SPC25: variants seen among roughly 807,000 people sequenced by gnomAD.
SPC25 encodes kinetochore protein Spc25.
In SPC25, 22 loss-of-function variants were observed where a neutral mutation model predicts 29.6. The ratio of observed to expected loss-of-function variants is 0.74; its 90% confidence interval spans 0.53 to 1.06. The LOEUF (loss-of-function observed/expected upper bound fraction) is 1.06. Ranked by LOEUF, SPC25 falls within the 50% of genes least tolerant of loss-of-function variation. SPC25 has a pLI of 0.00. For missense variants in SPC25, 230 were observed against 255.8 expected (o/e 0.90, Z 0.69); for synonymous variants, 91 against 90.4 (o/e 1.01, Z -0.04).
intron 3 of SPC25, among the ~76,000 whole-genome samples, chr2:168,888,675 T>C (rs1204706309): frequency 6.6e-6 from 1 of 152,036 alleles, no homozygotes; most frequent in Non-Finnish European, 1.5e-5. Context: ...TCTTAAACTG[T>C]ATAGTATGTC....
intron 3 of SPC25, among the ~76,000 whole-genome samples, chr2:168,878,890 G>A (rs189962206): frequency 4.6e-5 from 7 of 152,226 alleles, no homozygotes; most frequent in Non-Finnish European, 7.4e-5. Context: ...GTGATAAAGC[G>A]AATATTGCCA....
intron 5 of SPC25, among the ~76,000 whole-genome samples, chr2:168,874,931 A>G (rs1359363336): frequency 6.6e-6 from 1 of 152,180 alleles, no homozygotes; most frequent in Non-Finnish European, 1.5e-5. Flanking sequence ...TTAGCTATGA[A>G]TATGACTATA....
At chr2:168,864,965 G>C in intron 4 of SPC25, 2 of 1,613,886 alleles carry the variant, frequency 1.2e-6, no homozygotes, top group Non-Finnish European at 1.7e-6. Flanking sequence ...AGCTACAAAG[G>C]CATAAAACAA....
At chr2:168,885,443 T>C (rs956521256) in intron 3 of SPC25, among the ~76,000 whole-genome samples, 1 of 152,222 alleles carries the variant, frequency 6.6e-6, no homozygotes, top group Non-Finnish European at 1.5e-5. Context: ...GATTACTAGA[T>C]TGCTTCTTCT....
intron 4 of SPC25, chr2:168,865,236 C>A (rs1455177583): frequency 2.8e-6 from 1 of 352,512 alleles, no homozygotes; most frequent in Non-Finnish European, 5.2e-6. Context: ...TCCAGTATAA[C>A]CCCTGGTGTC....
intron 1 of SPC25, among the ~76,000 whole-genome samples, chr2:168,889,956 CAGTAAA>C (rs1274892408): frequency 2.0e-5 from 3 of 152,100 alleles, no homozygotes; most frequent in Admixed American, 1.3e-4. Context: ...CACCTCAGAA[CAGTAAA>C]AGTTAACAGT....
chr2:168,863,528 G>T (rs1432438641), intron 4 of SPC25: 2 of 985,156 alleles, frequency 2.0e-6, no homozygotes, highest in Non-Finnish European at 2.4e-6. Flanking sequence ...CATGTTTCTT[G>T]TCCAATTCTC....
At chr2:168,882,890 CAAT>C (rs1242545624) in intron 3 of SPC25, among the ~76,000 whole-genome samples, 3 of 152,034 alleles carry the variant, frequency 2.0e-5, no homozygotes, top group Admixed American at 1.3e-4. Context: ...TTTATTACAA[CAAT>C]GTTTACAGAA....
At position 168,878,704 on chromosome 2, in the gene SPC25, G is replaced by A. The variant is rs1031154389; in HGVS notation, c.200-1320C>T. Among the ~76,000 whole-genome samples the A allele has an allele frequency of 2.0e-5, 3 of 152,144 alleles. No homozygotes were observed. The East Asian group carries it at 5.8e-4, about 29-fold the overall frequency. ...CACCCCAAAAAAATCAATAGTTTTT[G>A]TACATAACACCAGTGATTAATACAT... On this transcript the variant is annotated intron_variant, in intron 3 of 6. Coordinates refer to ENST00000282074, the MANE Select transcript of SPC25 (RefSeq NM_020675.4).
chr2:168,865,388 A>G, intron 4 of SPC25: 1 of 158,804 alleles, frequency 6.3e-6, no homozygotes, highest in South Asian at 1.9e-4. Flanking sequence ...TGAGGGGGTC[A>G]AGCAGAGCCT....
chr2:168,868,953 C>G (rs1342433700), downstream of SPC25, among the ~76,000 whole-genome samples: 1 of 152,074 alleles, frequency 6.6e-6, no homozygotes, highest in African/African-American at 2.4e-5. Flanking sequence ...TGCAAAAATC[C>G]TCAATAAAAT....
chr2:168,865,760 A>ACTT (rs1381212215), intron 4 of SPC25, among the ~76,000 whole-genome samples: 1 of 140,274 alleles, frequency 7.1e-6, no homozygotes, highest in Non-Finnish European at 1.6e-5. Context: ...CTGATAAGCA[A>ACTT]CTTCAGCAAA....
At chr2:168,877,462 A>C in intron 3 of SPC25, 78 bp from the exon 4 acceptor site, 1 of 1,483,550 alleles carries the variant, frequency 6.7e-7, no homozygotes, top group Non-Finnish European at 9.2e-7. Context: ...AAGTTTACTG[A>C]CTTTCATAAA....
rs1689757544 is a variant in SPC25, at chr2:168,864,860, A to G, written n.419+8725T>C. 3.1e-6 allele frequency: 5 copies of G among 1,613,910 alleles called. No individual in the cohort carries two copies. Among genetic ancestry groups the G allele is most frequent in the Admixed American group, 3.3e-5 (2 of 59,998 alleles). On this transcript the variant is annotated intron_variant and non_coding_transcript_variant, in intron 4 of 4. Coordinates refer to the SPC25 transcript ENST00000479309. ...TGACATTGTGATTATACACGAGAAA[A>G]AAGAAGGAGGATGGTGGTTTGGATC... is the stretch of plus-strand genomic sequence containing the variant.
chr2:168,863,337 G>GAAAAGATAGAAA (rs1260673534), intron 4 of SPC25: 8 of 893,636 alleles, frequency 9.0e-6, no homozygotes, highest in Non-Finnish European at 1.1e-5. Flanking sequence ...AGAAAATGTA[G>GAAAAGATAGAAA]AAAAGATAGA....
At chr2:168,871,719 C>A (rs1306804760) in intron 6 of SPC25, among the ~76,000 whole-genome samples, 164 bp from the exon 7 acceptor site, 2 of 152,008 alleles carry the variant, frequency 1.3e-5, no homozygotes, top group East Asian at 1.9e-4. Flanking sequence ...TGCCAAATAT[C>A]TTTTGGACCT....
At chr2:168,865,183 G>A in intron 4 of SPC25, 1 of 554,116 alleles carries the variant, frequency 1.8e-6, no homozygotes, top group Non-Finnish European at 3.1e-6. Flanking sequence ...AGGCTCCTTG[G>A]TTCCTAGAGG....
intron 3 of SPC25, among the ~76,000 whole-genome samples, chr2:168,880,160 A>G (rs1489993762): frequency 6.6e-6 from 1 of 152,224 alleles, no homozygotes; most frequent in Non-Finnish European, 1.5e-5. Context: ...TTGAAGCTTC[A>G]AAGCAGGCCT....
intron 6 of SPC25, among the ~76,000 whole-genome samples, chr2:168,873,273 C>G (rs988698860): frequency 6.6e-5 from 10 of 152,136 alleles, no homozygotes; most frequent in Admixed American, 6.5e-4. Context: ...AAAGCTTCAC[C>G]TTTTAAAAAA....
Sources: gnomAD v4.1 joint callset for allele counts (sites outside exome capture counted in the v4.1 genomes callset) on GRCh38, gnomAD v4.1.1 for gene constraint, MANE v1.5 for transcripts, NCBI Gene and HGNC (gene_info 2026-07-23, HGNC 2026-07-21) for gene names.